DYSF: variants seen among roughly 807,000 people sequenced by gnomAD.
DYSF encodes dysferlin, also known as dystrophy-associated fer-1-like 1.
In DYSF, 212 loss-of-function variants were observed where a neutral mutation model predicts 274.9. That is an observed-to-expected ratio of 0.77 (90% CI 0.69 to 0.86). DYSF has a LOEUF of 0.86. Ranked by LOEUF, DYSF falls within the 40% of genes least tolerant of loss-of-function variation. The pLI, the probability that DYSF is intolerant of heterozygous loss-of-function variation, is 0.00. For missense variants in DYSF, 2,666 were observed against 2,783.2 expected (o/e 0.96, Z 0.95); for synonymous variants, 1,091 against 1,078.7 (o/e 1.01, Z -0.22).
At chr2:71,669,304 G>C in intron 50 of DYSF, 97 bp downstream of exon 50, 1 of 1,145,864 alleles carries the variant, frequency 8.7e-7, no homozygotes, top group Non-Finnish European at 1.3e-6. Context: ...TCAGGGAAGG[G>C]AAGAACAAAC....
chr2:71,556,150 G>A, intron 22 of DYSF, 79 bp downstream of exon 22: 2 of 1,197,556 alleles, frequency 1.7e-6, no homozygotes, highest in South Asian at 2.6e-5. Flanking sequence ...CTCGTGTGTG[G>A]CAGTGAGCAG....
At chr2:71,507,703 A>C (rs552512673) in intron 4 of DYSF, among the ~76,000 whole-genome samples, 24 of 152,332 alleles carry the variant, frequency 1.6e-4, no homozygotes, top group African/African-American at 5.3e-4. Context: ...CTCAGTGTTC[A>C]TCTTTCAGAT....
intron 36 of DYSF, 27 bp downstream of exon 36, chr2:71,602,832 G>C: frequency 6.2e-7 from 1 of 1,611,728 alleles, no homozygotes; most frequent in East Asian, 2.2e-5. Context: ...GGTTGGGATG[G>C]GTGGGCCGAG....
chr2:71,531,179 C>A (rs955756866), intron 14 of DYSF, among the ~76,000 whole-genome samples: 2 of 152,040 alleles, frequency 1.3e-5, no homozygotes, highest in African/African-American at 2.4e-5. Context: ...GCACCATATT[C>A]TGTACCCTGC....
At chr2:71,535,936 G>A (rs902518987) in intron 16 of DYSF, among the ~76,000 whole-genome samples, 1 of 152,162 alleles carries the variant, frequency 6.6e-6, no homozygotes, top group Non-Finnish European at 1.5e-5. Context: ...TCAACTCACC[G>A]ACATCAGTTC....
At chr2:71,485,577 C>A (rs2083295413) in intron 3 of DYSF, among the ~76,000 whole-genome samples, 1 of 152,106 alleles carries the variant, frequency 6.6e-6, no homozygotes, top group Non-Finnish European at 1.5e-5. Context: ...AGGTGCGATG[C>A]CTCAGGGGAG....
chr2:71,638,531 T>C (rs1438966821), intron 41 of DYSF, among the ~76,000 whole-genome samples: 2 of 152,230 alleles, frequency 1.3e-5, no homozygotes, highest in African/African-American at 4.8e-5. Flanking sequence ...ATATTTTTTG[T>C]TTCTATATAT....
chr2:71,572,032 C>CT (rs1446123031), intron 29 of DYSF, among the ~76,000 whole-genome samples: 2 of 131,796 alleles, frequency 1.5e-5, no homozygotes, highest in Non-Finnish European at 3.2e-5. Flanking sequence ...CACATTACAC[C>CT]TAGCACACCC....
intron 14 of DYSF, 77 bp from the exon 15 acceptor site, chr2:71,534,944 T>C: frequency 6.6e-7 from 1 of 1,506,400 alleles, no homozygotes; most frequent in Non-Finnish European, 9.2e-7. Flanking sequence ...GAATGGTCAC[T>C]GGCTGGCATG....
intron 10 of DYSF, among the ~76,000 whole-genome samples, chr2:71,519,806 G>A (rs952549577): frequency 3.5e-5 from 5 of 143,098 alleles, no homozygotes; most frequent in East Asian, 2.0e-4. Flanking sequence ...CACCACACCC[G>A]GCTAGTTTTT....
intron 45 of DYSF, among the ~76,000 whole-genome samples, chr2:71,662,126 C>T (rs2094892176): frequency 6.6e-6 from 1 of 152,232 alleles, no homozygotes; most frequent in Non-Finnish European, 1.5e-5. Flanking sequence ...AGCTGGTCTG[C>T]CTGGTGCTTT....
intron 17 of DYSF, 47 bp from the exon 18 acceptor site, chr2:71,550,994 G>A: frequency 6.4e-7 from 1 of 1,558,236 alleles, no homozygotes; most frequent in Non-Finnish European, 8.9e-7. Context: ...GGAGCATTGG[G>A]AAGCCCCACT....
intron 17 of DYSF, among the ~76,000 whole-genome samples, chr2:71,544,106 A>G (rs1178058242): frequency 2.0e-5 from 3 of 152,170 alleles, no homozygotes; most frequent in Non-Finnish European, 2.9e-5. Flanking sequence ...CTTGTACTCT[A>G]CTGAGGATTC....
At chr2:71,676,640 A>C (rs2095227103) in intron 52 of DYSF, among the ~76,000 whole-genome samples, 1 of 152,132 alleles carries the variant, frequency 6.6e-6, no homozygotes, top group African/African-American at 2.4e-5. Flanking sequence ...AACAAAAAAA[A>C]AACCCTGTGT....
Position 71,602,783 on chromosome 2 carries a change from A to G in DYSF, c.3935A>G (p.Glu1312Gly), listed in dbSNP as rs2093576892. 6.2e-7 allele frequency: 1 copy of G among 1,613,206 alleles called. No homozygotes were observed. The highest frequency in any genetic ancestry group is 1.1e-5 in the South Asian group (1 of 90,872). Residue 1312 changes from glutamate (E) to glycine (G), a missense_variant, in exon 36 of 56, where the codon GAG becomes GGG. Around this residue, in one of 3 missense-constraint regions of DYSF, gnomAD observed 1,460 missense variants for 1,502.1 expected, o/e 0.97. Coordinates refer to ENST00000410020, the MANE Select transcript of DYSF (RefSeq NM_001130987.2). ...IHHIPGFEVQ[E>G]TSRILDESED... Reference sequence around the variant, plus strand: ...CCCATGGCTGTGGGCCAGGTGCAGGAGACATCAAGGATCCTGGATGAGGTG... The same window carrying G: ...CCCATGGCTGTGGGCCAGGTGCAGGGGACATCAAGGATCCTGGATGAGGTG...
intron 41 of DYSF, among the ~76,000 whole-genome samples, chr2:71,623,211 C>T (rs1432958146): frequency 1.3e-5 from 2 of 151,532 alleles, no homozygotes; most frequent in African/African-American, 4.9e-5. Flanking sequence ...TTTTAGGGTA[C>T]ATGTGCACAT....
chr2:71,579,626 C>T lies in DYSF; in HGVS notation c.3402+5255C>T, dbSNP rs183967799. On this transcript the variant is annotated intron_variant, in intron 30 of 55. Transcript: ENST00000410020. Reference sequence around the variant, plus strand: ...TATATGCGTCATCTCATAGTGACCCCAGAAGGCTGGATTCTATTATTAGCC... The same window carrying T: ...TATATGCGTCATCTCATAGTGACCCTAGAAGGCTGGATTCTATTATTAGCC... Among the ~76,000 whole-genome samples, 3 of 152,302 alleles carry T rather than the reference C, an allele frequency of 2.0e-5. No homozygotes were observed. The East Asian group carries it at 5.8e-4, about 29-fold the overall frequency.
intron 16 of DYSF, among the ~76,000 whole-genome samples, chr2:71,537,774 A>C (rs1431310443): frequency 6.6e-6 from 1 of 152,196 alleles, no homozygotes; most frequent in East Asian, 1.9e-4. Flanking sequence ...ATGCCAGGGT[A>C]TGCCTTTCAC....
chr2:71,542,008 T>TA (rs2089966981), intron 17 of DYSF, among the ~76,000 whole-genome samples: 1 of 152,218 alleles, frequency 6.6e-6, no homozygotes. Context: ...ATTCTGACAT[T>TA]ATGCCATGGA....
Sources: gnomAD v4.1 joint callset for allele counts (sites outside exome capture counted in the v4.1 genomes callset) on GRCh38, gnomAD v4.1.1 for gene constraint, gnomAD v4.1.1 regional missense constraint, MANE v1.5 for transcripts, NCBI Gene and HGNC (gene_info 2026-07-23, HGNC 2026-07-21) for gene names.